The following PIWIL3 variants were observed in gnomAD, a reference collection of about 807,000 sequenced individuals.
The protein encoded by PIWIL3 is piwi-like protein 3.
Under a neutral mutation model 109.7 loss-of-function variants are expected in PIWIL3, and 101 were observed. The observed-to-expected ratio is 0.92, with a 90% CI of 0.78 to 1.09. PIWIL3 has a LOEUF of 1.09. Among genes scored for constraint, PIWIL3 ranks in the 50% least tolerant of loss-of-function variants. PIWIL3 has a pLI of 0.00. For missense variants in PIWIL3, 1,031 were observed against 1,072.6 expected (o/e 0.96, Z 0.54); for synonymous variants, 373 against 376.4 (o/e 0.99, Z 0.10).
chr22:24,749,845 T>A lies in PIWIL3; in HGVS notation c.1090-26A>T, dbSNP rs780202144. ...CTGCTCAACAAACAAGAGACCAGCA[T>A]GACCATCAGTGAAACCTTAGAAACA... On this transcript the variant is annotated intron_variant, in intron 9 of 20. Coordinates refer to ENST00000616349, the MANE Select transcript of PIWIL3 (RefSeq NM_001255975.1). The A allele has an allele frequency of 9.9e-6, 16 of 1,613,880 alleles. No individual in the cohort carries two copies. In the Admixed American group the frequency reaches 2.7e-4, roughly 27 times the overall value.
intron 18 of PIWIL3, 102 bp from the exon 19 acceptor site, chr22:24,723,357 G>T: frequency 1.6e-6 from 2 of 1,236,252 alleles, no homozygotes; most frequent in African/African-American, 1.5e-5. Flanking sequence ...CCATTAAGAA[G>T]AACAGACAGC....
chr22:24,751,293 TATATGACAA>T, intron 9 of PIWIL3, 85 bp downstream of exon 9: 1 of 1,275,016 alleles, frequency 7.8e-7, no homozygotes, highest in East Asian at 2.4e-5. Context: ...TATGTATGTT[TATATGACAA>T]ATATGTTCAA....
intron 19 of PIWIL3, among the ~76,000 whole-genome samples, chr22:24,722,142 G>T (rs1383649504): frequency 2.6e-5 from 4 of 152,142 alleles, no homozygotes; most frequent in Non-Finnish European, 5.9e-5. Flanking sequence ...GAGTGCAGTG[G>T]CACGATCTCC....
At chr22:24,751,232 G>A (rs780699316) in intron 9 of PIWIL3, among the ~76,000 whole-genome samples, 155 bp downstream of exon 9, 5 of 152,124 alleles carry the variant, frequency 3.3e-5, no homozygotes, top group African/African-American at 7.2e-5. Context: ...TACAAGGCAC[G>A]TGGATGCATG....
chr22:24,766,969 A>T (rs946819921), intron 1 of PIWIL3, among the ~76,000 whole-genome samples: 14 of 151,672 alleles, frequency 9.2e-5, no homozygotes, highest in Non-Finnish European at 1.3e-4. Context: ...CTCTAAAAAA[A>T]AAAAAAATTA....
intron 12 of PIWIL3, among the ~76,000 whole-genome samples, chr22:24,743,145 T>C (rs943293568): frequency 4.0e-5 from 6 of 151,406 alleles, no homozygotes; most frequent in South Asian, 4.2e-4. Flanking sequence ...ACCAGGAAAA[T>C]GCAATACCGC....
chr22:24,732,683 TGTGGCGGCAGGCGCCTGTA>T (rs1174671576), intron 14 of PIWIL3, among the ~76,000 whole-genome samples: 1 of 151,930 alleles, frequency 6.6e-6, no homozygotes, highest in African/African-American at 2.4e-5. Context: ...ATTAGCCGGG[TGTGGCGGCAGGCGCCTGTA>T]GTCCCAGCTA....
At chr22:24,732,120 A>G (rs1923387483) in intron 14 of PIWIL3, among the ~76,000 whole-genome samples, 1 of 152,190 alleles carries the variant, frequency 6.6e-6, no homozygotes, top group Non-Finnish European at 1.5e-5. Flanking sequence ...TTCACATTTT[A>G]TTTTAGGTAC....
At chr22:24,743,939 TA>T (rs1157563024) in intron 12 of PIWIL3, among the ~76,000 whole-genome samples, 3 of 152,046 alleles carry the variant, frequency 2.0e-5, no homozygotes, top group Admixed American at 1.3e-4. Flanking sequence ...GAAGGGGTTA[TA>T]AGACAGTATT....
intron 9 of PIWIL3, among the ~76,000 whole-genome samples, chr22:24,750,170 C>G (rs1489671772): frequency 1.3e-5 from 2 of 151,934 alleles, no homozygotes; most frequent in Non-Finnish European, 2.9e-5. Flanking sequence ...TGAAAACCGT[C>G]AAGAGGACAG....
At chr22:24,730,182 C>T (rs985361604) in intron 14 of PIWIL3, among the ~76,000 whole-genome samples, 14 of 151,660 alleles carry the variant, frequency 9.2e-5, no homozygotes, top group Admixed American at 6.6e-4. Flanking sequence ...GTGGCCAATA[C>T]GGTGAAACCC....
chr22:24,733,822 C>T (rs1923494467), intron 14 of PIWIL3, among the ~76,000 whole-genome samples: 1 of 152,130 alleles, frequency 6.6e-6, no homozygotes, highest in African/African-American at 2.4e-5. Context: ...ACCCACACTA[C>T]TTTACATTTG....
At position 24,728,048 on chromosome 22, in the gene PIWIL3, T is replaced by C; in HGVS notation, c.1911A>G (p.Gln637=). ...GALWKVETDV[Q]RTMFVGIDCF... ...AATCAATGCCAACGAACATTGTTCT[T>C]TGTACCTTAAGTTTGTTTTTGAAAA... Residue 637 remains glutamine, a synonymous_variant, in exon 16 of 21, where the codon CAA becomes CAG. Transcript: ENST00000616349. 12 of 1,613,882 alleles carry C rather than the reference T, an allele frequency of 7.4e-6. No homozygotes were observed. The highest frequency in any genetic ancestry group is 9.3e-6 in the Non-Finnish European group (11 of 1,179,866).
chr22:24,735,494 A>G (rs539418159), intron 13 of PIWIL3, among the ~76,000 whole-genome samples: 2 of 152,318 alleles, frequency 1.3e-5, no homozygotes, highest in South Asian at 4.1e-4. Context: ...CATTCACATC[A>G]AGTTCTTAAT....
At position 24,749,433 on chromosome 22, in the gene PIWIL3, T is replaced by C. The variant is rs374549257; in HGVS notation, c.1305A>G (p.Thr435=). The change falls in exon 11 of 21, where the codon ACA becomes ACG. Residue 435 remains threonine (T), a synonymous_variant. Transcript: ENST00000616349. ...TRLSPRRRHH[T]LKEFINTLQD... ...GTAGAGTATTGATGAATTCTTTTAA[T>C]GTATGATGCCTTCTTCTTGGACTCA... 10 of 1,613,910 alleles carry C rather than the reference T, an allele frequency of 6.2e-6. No homozygotes were observed. Among genetic ancestry groups the C allele is most frequent in the Non-Finnish European group, 8.5e-6 (10 of 1,180,020 alleles).
At chr22:24,763,834 G>A (rs1054146265) in intron 1 of PIWIL3, among the ~76,000 whole-genome samples, 1 of 146,976 alleles carries the variant, frequency 6.8e-6, no homozygotes, top group Non-Finnish European at 1.5e-5. Flanking sequence ...CTCCTGCCTC[G>A]GCCCTTTGGA....
intron 12 of PIWIL3, among the ~76,000 whole-genome samples, chr22:24,737,979 C>T (rs904874168): frequency 2.0e-5 from 3 of 152,032 alleles, no homozygotes; most frequent in African/African-American, 7.2e-5. Flanking sequence ...GATGAAACCC[C>T]GTCTTCTACT....
intron 2 of PIWIL3, 73 bp downstream of exon 2, chr22:24,762,325 A>G (rs182569125): frequency 1.3e-6 from 2 of 1,533,590 alleles, no homozygotes; most frequent in African/African-American, 1.4e-5. Context: ...GCTTCGCTCA[A>G]CAACCAACTC....
At chr22:24,763,426 G>A (rs953603052) in intron 1 of PIWIL3, among the ~76,000 whole-genome samples, 1 of 152,082 alleles carries the variant, frequency 6.6e-6, no homozygotes. Context: ...TCAGCCTCCT[G>A]AGTAGCTGGG....
Sources: allele counts gnomAD v4.1 joint callset (sites outside exome capture counted in the v4.1 genomes callset), GRCh38; gene constraint gnomAD v4.1.1; transcripts MANE v1.5; gene names NCBI Gene and HGNC (gene_info 2026-07-23, HGNC 2026-07-21).